Variants in TEX14 observed in about 807,000 individuals in gnomAD.
The protein encoded by TEX14 is testis expressed 14, intercellular bridge forming factor, also known as inactive serine/threonine-protein kinase TEX14.
Under a neutral mutation model 178.6 loss-of-function variants are expected in TEX14, and 168 were observed. That is an observed-to-expected ratio of 0.94 (90% CI 0.83 to 1.07). The LOEUF is 1.07. Ranked by LOEUF, TEX14 falls within the 50% of genes least tolerant of loss-of-function variation. The pLI is 0.00. For missense variants in TEX14, 1,730 were observed against 1,753.6 expected (o/e 0.99, Z 0.24); for synonymous variants, 626 against 634.1 (o/e 0.99, Z 0.19).
chr17:58,573,106 CG>C, intron 23 of TEX14, 74 bp downstream of exon 23: 1 of 1,573,840 alleles, frequency 6.4e-7, no homozygotes, highest in Non-Finnish European at 8.6e-7. Flanking sequence ...TCTGATACCA[CG>C]GCTTGGCTTC....
chr17:58,634,705 G>A (rs1053136452), intron 2 of TEX14, among the ~76,000 whole-genome samples: 1 of 152,162 alleles, frequency 6.6e-6, no homozygotes, highest in African/African-American at 2.4e-5. Flanking sequence ...TCAGAGTTAC[G>A]CATGTCATGG....
intron 1 of TEX14, chr17:58,660,763 A>G (rs756620540): frequency 5.1e-6 from 4 of 781,092 alleles, no homozygotes; most frequent in Non-Finnish European, 9.6e-6. Context: ...GTAACACTCC[A>G]TGTTTCTGAT....
intron 19 of TEX14, among the ~76,000 whole-genome samples, chr17:58,582,126 G>A (rs1352769972): frequency 6.6e-6 from 1 of 152,208 alleles, no homozygotes; most frequent in Non-Finnish European, 1.5e-5. Context: ...TCTTACAGAT[G>A]AGGAGGCTGC....
intron 2 of TEX14, among the ~76,000 whole-genome samples, chr17:58,647,575 GGGAA>G (rs2143211060): frequency 6.6e-6 from 1 of 151,188 alleles, no homozygotes; most frequent in African/African-American, 2.4e-5. Context: ...TCTCAAGGAG[GGGAA>G]GGAAGAGCCA....
Position 58,666,382 on chromosome 17 carries a change from A to G in TEX14, c.-1-14380T>C, listed in dbSNP as rs569550423. 2.7e-5 allele frequency among the ~76,000 whole-genome samples: 4 copies of G among 149,444 alleles called. No individual in the cohort carries two copies. In the South Asian group the frequency reaches 8.6e-4, roughly 32 times the overall value. ...AATAAGGCAAAACCTAAAACAACCA[A>G]AGAAGGCTGAGCGCATGAATTCGGA... On this transcript the variant is annotated intron_variant, in intron 1 of 31. Coordinates refer to ENST00000349033, the MANE Select transcript of TEX14 (RefSeq NM_031272.5).
chr17:58,589,750 A>G (rs2045078494), intron 15 of TEX14, among the ~76,000 whole-genome samples: 1 of 151,298 alleles, frequency 6.6e-6, no homozygotes, highest in African/African-American at 2.4e-5. Flanking sequence ...ACTAGGCTGG[A>G]GTACAGTGGC....
At chr17:58,643,198 C>A (rs2046613951) in intron 2 of TEX14, among the ~76,000 whole-genome samples, 1 of 152,116 alleles carries the variant, frequency 6.6e-6, no homozygotes, top group South Asian at 2.1e-4. Flanking sequence ...TTCTACTCCT[C>A]CCCCAATAAA....
At chr17:58,602,638 T>C (rs1034259205) in intron 11 of TEX14, 48 bp from the exon 12 acceptor site, 3 of 1,488,854 alleles carry the variant, frequency 2.0e-6, no homozygotes, top group African/African-American at 1.4e-5. Flanking sequence ...AACCAAAGAG[T>C]GGAGTGGGGG....
intron 1 of TEX14, among the ~76,000 whole-genome samples, 157 bp from the exon 2 acceptor site, chr17:58,652,159 T>C (rs2046853020): frequency 6.6e-6 from 1 of 152,226 alleles, no homozygotes; most frequent in African/African-American, 2.4e-5. Context: ...ATGTTTTTCC[T>C]CAGTGTTATC....
At chr17:58,633,026 A>G (rs1190727763) in intron 2 of TEX14, among the ~76,000 whole-genome samples, 1 of 152,128 alleles carries the variant, frequency 6.6e-6, no homozygotes, top group East Asian at 1.9e-4. Flanking sequence ...AAGGCCCTGT[A>G]TGGTCTGGCC....
At chr17:58,598,542 A>G (rs2045348404) in intron 14 of TEX14, among the ~76,000 whole-genome samples, 3 of 152,200 alleles carry the variant, frequency 2.0e-5, no homozygotes, top group Admixed American at 2.0e-4. Context: ...ATTTACAGAG[A>G]AGGACAATGG....
chr17:58,591,721 A>C (rs908559005), intron 15 of TEX14, among the ~76,000 whole-genome samples: 2 of 151,656 alleles, frequency 1.3e-5, no homozygotes, highest in African/African-American at 4.8e-5. Flanking sequence ...AGGAAAAAAA[A>C]AAAACAAAAA....
At chr17:58,687,762 T>A (rs1447273396) in intron 1 of TEX14, among the ~76,000 whole-genome samples, 1 of 152,202 alleles carries the variant, frequency 6.6e-6, no homozygotes, top group East Asian at 1.9e-4. Context: ...CCTGAAAATG[T>A]CTCGTTATTG....
At chr17:58,649,565 T>C (rs2046795395) in intron 2 of TEX14, among the ~76,000 whole-genome samples, 1 of 152,072 alleles carries the variant, frequency 6.6e-6, no homozygotes, top group Non-Finnish European at 1.5e-5. Flanking sequence ...TTACTCTAAC[T>C]GAATATCAAG....
At chr17:58,596,241 T>C (rs12948133) in intron 14 of TEX14, among the ~76,000 whole-genome samples, 28,155 of 152,172 alleles carry the variant, frequency 0.19, 2,779 homozygotes, top group Non-Finnish European at 0.21. Flanking sequence ...TCTAATTTTC[T>C]ATGGAAACAG....
intron 1 of TEX14, chr17:58,679,548 C>T (rs1378776905): frequency 1.3e-5 from 2 of 152,204 alleles, no homozygotes; most frequent in Non-Finnish European, 2.9e-5. Flanking sequence ...CCAACATAGT[C>T]CCCACTACCA....
At chr17:58,602,051 C>T (rs541299302) in intron 12 of TEX14, 95 bp from the exon 13 acceptor site, 9 of 1,342,386 alleles carry the variant, frequency 6.7e-6, no homozygotes, top group Non-Finnish European at 1.0e-6. Context: ...TAAACTCCCT[C>T]TTATTCCTGT....
chr17:58,650,369 C>A (rs1197747854), intron 2 of TEX14, among the ~76,000 whole-genome samples: 1 of 151,952 alleles, frequency 6.6e-6, no homozygotes, highest in Non-Finnish European at 1.5e-5. Context: ...CAGAGTTTTA[C>A]AACGTTTTAT....
chr17:58,655,028 C>T (rs1221478004), intron 1 of TEX14, among the ~76,000 whole-genome samples: 1 of 135,844 alleles, frequency 7.4e-6, no homozygotes, highest in Non-Finnish European at 1.6e-5. Context: ...AATAAACTCC[C>T]TTCTTTTTTT....
Sources: gnomAD v4.1 joint callset for allele counts (sites outside exome capture counted in the v4.1 genomes callset) on GRCh38, gnomAD v4.1.1 for gene constraint, MANE v1.5 for transcripts, NCBI Gene and HGNC (gene_info 2026-07-23, HGNC 2026-07-21) for gene names.